NLRC5: variants seen among roughly 807,000 people sequenced by gnomAD.
NLRC5 encodes the protein protein NLRC5.
A neutral mutation model predicts 206.9 loss-of-function variants in NLRC5; 114 were observed. The observed-to-expected ratio is 0.55, with a 90% CI of 0.47 to 0.64. NLRC5 has a LOEUF of 0.64. NLRC5 is among the 30% of genes least tolerant of loss of function. The probability of loss-of-function intolerance (pLI) is 0.00; values close to 1 mark genes in which losing one functional copy is unlikely to be tolerated. For synonymous variants in NLRC5, 952 were observed against 962.8 expected (o/e 0.99, Z 0.21); for missense variants, 2,008 against 2,305.5 (o/e 0.87, Z 2.64).
chr16:57,083,189 A>G lies in NLRC5; in HGVS notation c.*661A>G, dbSNP rs2069338879. 1 of 152,370 alleles carries G rather than the reference A, an allele frequency of 6.6e-6. No homozygotes were observed. Among genetic ancestry groups the G allele is most frequent in the African/African-American group, 2.4e-5 (1 of 41,448 alleles). 9.4% of individuals were successfully genotyped at this position (152,370 alleles called of 1,614,324 possible). A position where few individuals can be genotyped will look rare whatever the true frequency, so the allele number is the denominator to read the frequency against. On this transcript the variant is annotated 3_prime_UTR_variant, in exon 49 of 49. Transcript: ENST00000688547. ...AGCCATTAAGTCCCCTCCTGCCTCA[A>G]TCCTCAGCCTACCCATCTATAAACT...
rs766844756 is a variant in NLRC5 at position 57,043,586 on chromosome 16, T to C, written c.3185T>C (p.Leu1062Pro). The change falls in exon 20 of 49, where the codon CTC (leucine) becomes CCC (proline). Residue 1062 changes from leucine (L) to proline (P), a missense_variant. Physicochemically the swap from Leu to Pro is moderately conservative, Grantham distance 98. Coordinates refer to ENST00000688547, the MANE Select transcript of NLRC5 (RefSeq NM_001384950.1). ...CGGTGCTTCTCCACTCTGCAGTGGC[T>C]CTTCCGCTTGGACATCAGGTGAGCG... is the stretch of plus-strand genomic sequence containing the variant. The part of the protein sequence containing the change: ...LVRCFSTLQW[L>P]FRLDISFESQ... 9 of 1,613,886 alleles carry C rather than the reference T, an allele frequency of 5.6e-6. No homozygotes were observed. Among genetic ancestry groups the C allele is most frequent in the African/African-American group, 2.7e-5 (2 of 74,906 alleles).
At chr16:57,037,524 C>T (rs148280120) in intron 15 of NLRC5, among the ~76,000 whole-genome samples, 38 of 152,224 alleles carry the variant, frequency 2.5e-4, no homozygotes, top group African/African-American at 8.4e-4. Context: ...TGGCAGGGTA[C>T]AACCCCCACT....
chr16:57,054,894 T>G (rs1424722478), intron 25 of NLRC5, 54 bp downstream of exon 25: 1 of 1,593,342 alleles, frequency 6.3e-7, no homozygotes, highest in African/African-American at 1.3e-5. Context: ...GTGCCTGGAG[T>G]CTGGTGGGTA....
chr16:57,010,875 T>G (rs1311982634), intron 1 of NLRC5, among the ~76,000 whole-genome samples: 1 of 151,926 alleles, frequency 6.6e-6, no homozygotes, highest in African/African-American at 2.4e-5. Context: ...ATTCTAGTTT[T>G]TAATGTAAAT....
At chr16:57,060,840 G>A (rs2144655219) in intron 30 of NLRC5, among the ~76,000 whole-genome samples, 1 of 152,342 alleles carries the variant, frequency 6.6e-6, no homozygotes, top group Middle Eastern at 3.4e-3. Context: ...CAGCAGCCCT[G>A]CCTCATCAGA....
chr16:57,001,841 A>G (rs1379361860), intron 1 of NLRC5, among the ~76,000 whole-genome samples: 2 of 152,146 alleles, frequency 1.3e-5, no homozygotes, highest in Non-Finnish European at 2.9e-5. Flanking sequence ...ACTAGGTTTT[A>G]TTCATTCTAA....
At chr16:57,029,404 C>A (rs2061562774) in intron 8 of NLRC5, among the ~76,000 whole-genome samples, 1 of 152,132 alleles carries the variant, frequency 6.6e-6, no homozygotes, top group Admixed American at 6.5e-5. Context: ...ATGTCTGCAG[C>A]GTCCCAGTCT....
rs1359983622 is a variant in NLRC5 at position 57,034,161 on chromosome 16, A to G, written c.2544-7A>G. The stretch of plus-strand genomic sequence containing the variant: ...CTGAGCCCTTCTGTCCCCCACTCCT[A>G]CCCAAGGCTGCAGAAGTGTCAGCTC... On this transcript the variant is annotated splice_polypyrimidine_tract_variant and splice_region_variant and intron_variant, in intron 12 of 48. Coordinates refer to ENST00000688547, the MANE Select transcript of NLRC5 (RefSeq NM_001384950.1). 1 of 1,613,394 alleles carries G rather than the reference A, an allele frequency of 6.2e-7. No individual in the cohort carries two copies. Among genetic ancestry groups the G allele is most frequent in the African/African-American group, 1.3e-5 (1 of 74,908 alleles).
chr16:57,048,679 G>A (rs1426972647), intron 23 of NLRC5, among the ~76,000 whole-genome samples: 2 of 152,022 alleles, frequency 1.3e-5, no homozygotes, highest in Non-Finnish European at 2.9e-5. Flanking sequence ...GATTACAGGC[G>A]CCCGCCATCA....
At chr16:56,993,794 C>G (rs1384334177) in intron 1 of NLRC5, among the ~76,000 whole-genome samples, 4 of 152,050 alleles carry the variant, frequency 2.6e-5, no homozygotes, top group African/African-American at 9.7e-5. Flanking sequence ...GTTGTAAAAG[C>G]ACTTTTCATG....
intron 39 of NLRC5, among the ~76,000 whole-genome samples, chr16:57,075,163 C>T (rs1597453638): frequency 1.3e-5 from 2 of 152,086 alleles, no homozygotes; most frequent in South Asian, 4.1e-4. Context: ...GCCTCACCCT[C>T]CTAAGCAGCT....
intron 27 of NLRC5, among the ~76,000 whole-genome samples, 186 bp downstream of exon 27, chr16:57,055,705 C>T (rs1446640698): frequency 3.3e-5 from 5 of 152,200 alleles, no homozygotes; most frequent in Non-Finnish European, 5.9e-5. Context: ...CTCTCTCCCG[C>T]CCCCACTCTC....
At chr16:57,072,031 A>G (rs2067859429) in intron 38 of NLRC5, among the ~76,000 whole-genome samples, 1 of 152,138 alleles carries the variant, frequency 6.6e-6, no homozygotes, top group Admixed American at 6.5e-5. Flanking sequence ...GAAACAGAAT[A>G]CACAACTCAA....
intron 1 of NLRC5, chr16:56,990,687 G>C (rs1048531533): frequency 6.6e-6 from 1 of 152,184 alleles, no homozygotes; most frequent in Non-Finnish European, 1.5e-5. Flanking sequence ...TCTAAAACCC[G>C]GGGGTAGCAG....
intron 15 of NLRC5, among the ~76,000 whole-genome samples, chr16:57,039,459 A>G (rs2063005467): frequency 6.6e-6 from 1 of 152,116 alleles, no homozygotes; most frequent in African/African-American, 2.4e-5. Context: ...GGTGGCTCAC[A>G]CCTATCATCC....
In NLRC5 at chr16:57,037,202, A is replaced by G. The variant is rs1672867; in HGVS notation, c.2719A>G (p.Asn907Asp). 0.99 allele frequency: 1,591,658 copies of G among 1,613,746 alleles called. 784,976 individuals are homozygous for G. Among genetic ancestry groups the G allele is most frequent in the East Asian group, 1 (44,836 of 44,848 alleles). ...LHIARKLDLS[N>D]NGLSVAGVHC... The stretch of plus-strand genomic sequence containing the variant: ...TTCTCCTGCTCTCCACAGCCTCAGT[A>G]ACAACGGGCTTTCTGTGGCCGGGGT... Residue 907 changes from asparagine (N) to aspartate (D), a missense_variant, in exon 15 of 49, where the codon AAC (asparagine) becomes GAC (aspartate). Transcript: ENST00000688547.
intron 27 of NLRC5, among the ~76,000 whole-genome samples, chr16:57,055,850 C>G (rs1420486804): frequency 6.6e-6 from 1 of 152,146 alleles, no homozygotes; most frequent in East Asian, 1.9e-4. Context: ...TTAAAAGTAC[C>G]GGATGACTCT....
At chr16:57,047,841 G>A in intron 23 of NLRC5, 1 of 593,100 alleles carries the variant, frequency 1.7e-6, no homozygotes, top group Non-Finnish European at 3.0e-6. Context: ...GGGAGATGCT[G>A]TGCTGGACTG....
intron 3 of NLRC5, chr16:57,021,256 C>T (rs2060638205): frequency 4.7e-6 from 2 of 422,848 alleles, no homozygotes; most frequent in African/African-American, 2.0e-5. Flanking sequence ...CTTCCAGCCA[C>T]AAAATCCCAC....
Sources: gnomAD v4.1 joint callset for allele counts (sites outside exome capture counted in the v4.1 genomes callset) on GRCh38, gnomAD v4.1.1 for gene constraint, MANE v1.5 for transcripts, NCBI Gene and HGNC (gene_info 2026-07-23, HGNC 2026-07-21) for gene names.